EML5: variants seen among roughly 807,000 people sequenced by gnomAD.
EML5 encodes the protein echinoderm microtubule-associated protein-like 5.
EML5 carries 120 observed loss-of-function variants against 250.0 expected under a neutral mutation model. The ratio of observed to expected loss-of-function variants is 0.48; its 90% CI spans 0.41 to 0.56. EML5 has a LOEUF of 0.56. Among genes scored for constraint, EML5 ranks in the 20% least tolerant of loss-of-function variants. The pLI, the probability that EML5 is intolerant of heterozygous loss-of-function variation, is 0.00. For missense variants in EML5, 2,006 were observed against 2,437.6 expected, an observed-to-expected ratio of 0.82 and a Z score of 3.73; for synonymous variants, 771 against 806.5, an observed-to-expected ratio of 0.96 and a Z score of 0.75.
In EML5 at chr14:88,618,801, T is replaced by C. The variant is rs1403194655; in HGVS notation, c.5387A>G (p.Asp1796Gly). 1.4e-5 allele frequency: 22 copies of C among 1,586,978 alleles called. No homozygotes were observed. Among genetic ancestry groups the C allele is most frequent in the Admixed American group, 1.8e-5 (1 of 56,202 alleles). The change falls in exon 40 of 44, where the codon GAT becomes GGT. Residue 1796 changes from aspartate to glycine, a missense_variant. Transcript: ENST00000554922. ...AGAACCTACTGCCAGATACCGGGAA[T>C]CCGGACTAAATCTGAATCAAAACAA... is the stretch of plus-strand genomic sequence containing the variant. The part of the protein sequence containing the change: ...CAIHDIRFSP[D>G]SRYLAVGSSE...
intron 36 of EML5, 106 bp from the exon 37 acceptor site, chr14:88,622,824 C>A: frequency 1.6e-6 from 1 of 618,326 alleles, no homozygotes; most frequent in Non-Finnish European, 2.5e-6. Flanking sequence ...TTAAAAAGGC[C>A]CTGATATTTA....
intron 6 of EML5, among the ~76,000 whole-genome samples, chr14:88,737,724 A>G (rs2093865714): frequency 6.6e-6 from 1 of 152,122 alleles, no homozygotes; most frequent in East Asian, 1.9e-4. Context: ...TTGTCTTTTT[A>G]TGTACCTAGT....
At chr14:88,672,134 C>T (rs988571259) in intron 21 of EML5, among the ~76,000 whole-genome samples, 6 of 152,118 alleles carry the variant, frequency 3.9e-5, no homozygotes, top group Middle Eastern at 3.4e-3. Context: ...ACCCTAAAAT[C>T]GATCACATAA....
chr14:88,739,070 T>C (rs2093887510), intron 5 of EML5, 56 bp from the exon 6 acceptor site: 1 of 1,500,756 alleles, frequency 6.7e-7, no homozygotes, highest in Non-Finnish European at 8.9e-7. Context: ...ACATCTACTA[T>C]ATGAAGGTAG....
intron 19 of EML5, 85 bp from the exon 20 acceptor site, chr14:88,685,227 C>G: frequency 8.7e-7 from 1 of 1,144,960 alleles, no homozygotes; most frequent in Non-Finnish European, 1.2e-6. Context: ...GCTATTTTGA[C>G]AGTGAAAATC....
Position 88,643,027 on chromosome 14 carries a change from AATG to A in EML5, c.4108-8_4108-6del, listed in dbSNP as rs1414520396. The A allele has an allele frequency of 7.0e-6, 11 of 1,566,802 alleles. No individual in the cohort carries two copies. The highest frequency in any genetic ancestry group is 8.6e-6 in the Non-Finnish European group (10 of 1,165,912). Reference sequence around the variant, plus strand: ...AATGAGCTCCAACACAAGGTCCTATAATGATAATAATAAAACCATTATATTCTT... The same window carrying A: ...AATGAGCTCCAACACAAGGTCCTATAATAATAATAAAACCATTATATTCTT... On this transcript the variant is annotated splice_region_variant and splice_polypyrimidine_tract_variant and intron_variant, in intron 30 of 43. Coordinates refer to ENST00000554922, the MANE Select transcript of EML5 (RefSeq NM_183387.3).
At chr14:88,656,119 A>G (rs2091858587) in intron 27 of EML5, among the ~76,000 whole-genome samples, 1 of 152,250 alleles carries the variant, frequency 6.6e-6, no homozygotes, top group African/African-American at 2.4e-5. Context: ...ATTACTGGGT[A>G]TATACCCAAA....
intron 7 of EML5, among the ~76,000 whole-genome samples, chr14:88,736,074 C>T (rs1350889053): frequency 6.7e-6 from 1 of 149,576 alleles, no homozygotes; most frequent in East Asian, 2.0e-4. Context: ...GATCTTGGCG[C>T]ACTGCAACCT....
intron 8 of EML5, among the ~76,000 whole-genome samples, chr14:88,723,444 G>C (rs1402281920): frequency 1.3e-5 from 2 of 152,160 alleles, no homozygotes; most frequent in Non-Finnish European, 2.9e-5. Context: ...CAGGGATTAG[G>C]AGTACAGGTG....
rs2094617554 is a variant in EML5 at position 88,792,259 on chromosome 14, C to G, written c.197+48G>C. On this transcript the variant is annotated intron_variant, in intron 1 of 43. Transcript: ENST00000554922. The surrounding 1 kb of genome is among the most constrained non-coding windows in gnomAD (Gnocchi z 6.9). ...CCAGAGGAACCCGCGGGTGCAAACT[C>G]CGGGAGCGGCTTGCAGGGTGACGGC... 3.3e-6 allele frequency: 5 copies of G among 1,529,864 alleles called. No individual in the cohort carries two copies. In the South Asian group the frequency reaches 6.1e-5, roughly 19 times the overall value. 94.8% of individuals were successfully genotyped at this position (1,529,864 alleles called of 1,614,324 possible).
Position 88,706,203 on chromosome 14 carries a change from G to A in EML5, c.1825+56C>T, listed in dbSNP as rs894072862. The A allele has an allele frequency of 3.5e-5, 50 of 1,447,670 alleles. No homozygotes were observed. In the African/African-American group the frequency reaches 6.5e-4, roughly 19 times the overall value. The allele number at this position is 1,447,670 out of a possible 1,614,324, so 89.7% of individuals were successfully genotyped here. On this transcript the variant is annotated intron_variant, in intron 11 of 43. Transcript: ENST00000554922. ...ACTTTAATATAAAATTGTTATTTGGGGGTTACTGAAGAATTATTTGACAGG... is the reference window on the plus strand; with the variant it reads ...ACTTTAATATAAAATTGTTATTTGGAGGTTACTGAAGAATTATTTGACAGG...
At chr14:88,683,772 C>G (rs1002411225) in intron 20 of EML5, among the ~76,000 whole-genome samples, 1 of 152,118 alleles carries the variant, frequency 6.6e-6, no homozygotes, top group African/African-American at 2.4e-5. Flanking sequence ...AAATGCTCCA[C>G]AAATTTGGAA....
chr14:88,673,620 T>C (rs968923972), intron 21 of EML5, among the ~76,000 whole-genome samples: 1 of 152,228 alleles, frequency 6.6e-6, no homozygotes, highest in African/African-American at 2.4e-5. Flanking sequence ...ATAGTATGTC[T>C]AGAAAACCCC....
chr14:88,639,743 T>C (rs1036771848), intron 31 of EML5, among the ~76,000 whole-genome samples: 1 of 151,924 alleles, frequency 6.6e-6, no homozygotes, highest in African/African-American at 2.4e-5. Flanking sequence ...TGCCCAGCTA[T>C]ATATTTTTTG....
chr14:88,752,532 A>AT (rs1013656611), intron 2 of EML5, among the ~76,000 whole-genome samples: 5 of 152,048 alleles, frequency 3.3e-5, no homozygotes, highest in Non-Finnish European at 7.4e-5. Flanking sequence ...CTAGAAGCAC[A>AT]TTTTTTTTCC....
intron 36 of EML5, chr14:88,624,695 A>G: frequency 5.3e-6 from 2 of 378,920 alleles, no homozygotes; most frequent in South Asian, 3.1e-5. Context: ...ATACACAGGC[A>G]TACAGACATT....
intron 2 of EML5, among the ~76,000 whole-genome samples, chr14:88,750,306 T>A (rs1179278013): frequency 6.6e-6 from 1 of 152,168 alleles, no homozygotes; most frequent in Non-Finnish European, 1.5e-5. Flanking sequence ...GGGGTCACTA[T>A]GAGAATCAAC....
At position 88,615,644 on chromosome 14, in the gene EML5, T is replaced by TGC; in HGVS notation, c.*172_*173dup. ...TGTATGGATTACGGATTATACCCAG[T>TGC]GCATATAGCAAATATTTTGAACAGA... On this transcript the variant is annotated 3_prime_UTR_variant, in exon 44 of 44. Coordinates refer to ENST00000554922, the MANE Select transcript of EML5 (RefSeq NM_183387.3). 1.7e-6 allele frequency: 1 copy of TGC among 602,748 alleles called. No individual in the cohort carries two copies. Among genetic ancestry groups the TGC allele is most frequent in the Admixed American group, 3.3e-5 (1 of 30,508 alleles). 37.3% of individuals were successfully genotyped at this position (602,748 alleles called of 1,614,324 possible). A position where few individuals can be genotyped will look rare whatever the true frequency, so the allele number is the denominator to read the frequency against.
intron 8 of EML5, among the ~76,000 whole-genome samples, chr14:88,716,732 A>AACACACACACACACACAC (rs58701181): frequency 6.7e-6 from 1 of 148,186 alleles, no homozygotes; most frequent in African/African-American, 2.5e-5. Context: ...ACTGCTCACC[A>AACACACACACACACACAC]ACACACACAC....
Sources: gnomAD v4.1 joint callset for allele counts (sites outside exome capture counted in the v4.1 genomes callset) on GRCh38, gnomAD v4.1.1 for gene constraint, Gnocchi (gnomAD v3.1) non-coding constraint, MANE v1.5 for transcripts, NCBI Gene and HGNC (gene_info 2026-07-23, HGNC 2026-07-21) for gene names.